Variants in TRIM26 observed in about 807,000 individuals in gnomAD.
TRIM26 encodes the protein tripartite motif containing 26, also known as tripartite motif-containing protein 26.
Under a neutral mutation model 45.5 loss-of-function variants are expected in TRIM26, and 16 were observed. That is an observed-to-expected ratio of 0.35 (90% confidence interval 0.24 to 0.53). The LOEUF (loss-of-function observed/expected upper bound fraction) is 0.53. Among genes scored for constraint, TRIM26 ranks in the 20% least tolerant of loss-of-function variants. The pLI is 0.92. For synonymous variants in TRIM26, 273 were observed against 290.4 expected, an observed-to-expected ratio of 0.94 and a Z score of 0.61; for missense variants, 442 against 691.1, an observed-to-expected ratio of 0.64 and a Z score of 4.04.
At chr6:30,191,361 G>A (rs925670567) in intron 6 of TRIM26, among the ~76,000 whole-genome samples, 10 of 147,832 alleles carry the variant, frequency 6.8e-5, no homozygotes, top group African/African-American at 2.5e-4. Context: ...TTTATTAAGT[G>A]CTTCCTAGGT....
intron 2 of TRIM26, among the ~76,000 whole-genome samples, chr6:30,203,717 G>A (rs185499419): frequency 6.6e-6 from 1 of 152,104 alleles, no homozygotes; most frequent in African/African-American, 2.4e-5. Flanking sequence ...GCGCCCGGCT[G>A]AGAATACCTG....
chr6:30,200,649 T>C (rs919556141), intron 3 of TRIM26, among the ~76,000 whole-genome samples: 1 of 152,234 alleles, frequency 6.6e-6, no homozygotes, highest in Non-Finnish European at 1.5e-5. Flanking sequence ...TTTGTAGTCC[T>C]GACCCAGTTC....
chr6:30,199,185 CACAGT>C lies in TRIM26; in HGVS notation c.-87_-83del. 7.0e-7 allele frequency: 1 copy of C among 1,431,372 alleles called. No individual in the cohort carries two copies. Among genetic ancestry groups the C allele is most frequent in the Non-Finnish European group, 9.3e-7 (1 of 1,070,810 alleles). The allele number at this position is 1,431,372 out of a possible 1,614,324, so 88.7% of individuals were successfully genotyped here. ...GACGCGACATAGAGTCAGGAGCAAG[CACAGT>C]AAAGGGGCAAAGGTGGCAGCCTGCA... On this transcript the variant is annotated 5_prime_UTR_variant, in exon 4 of 10. Coordinates refer to ENST00000454678, the MANE Select transcript of TRIM26 (RefSeq NM_003449.5).
chr6:30,196,462 G>C lies in TRIM26; in HGVS notation c.765+54C>G, dbSNP rs1776467603. The C allele has an allele frequency of 6.4e-7, 1 of 1,566,222 alleles. No individual in the cohort carries two copies. On this transcript the variant is annotated intron_variant, in intron 6 of 9. Transcript: ENST00000454678. This position sits in a 1 kb window ranked among gnomAD's most constrained non-coding sequence, Gnocchi z 4.9. ...CTAAGGTCCTGCAAGTGAATGGCAG[G>C]GCTGGGACCCACCGTCCTGGTCCCT...
At position 30,189,259 on chromosome 6, in the gene TRIM26, G is replaced by C; in HGVS notation, c.905-60C>G. The C allele has an allele frequency of 6.2e-7, 1 of 1,609,916 alleles. No homozygotes were observed. The highest frequency in any genetic ancestry group is 8.5e-7 in the Non-Finnish European group (1 of 1,177,246). Reference sequence around the variant, plus strand: ...CCGAAAATTTATGAGCCCATTTCTTGCTCGGGCAGTATCAATTTCCTGATA... The same window carrying C: ...CCGAAAATTTATGAGCCCATTTCTTCCTCGGGCAGTATCAATTTCCTGATA... On this transcript the variant is annotated intron_variant, in intron 8 of 9. Transcript: ENST00000454678. The surrounding 1 kb of genome is among the most constrained non-coding windows in gnomAD (Gnocchi z 5.0).
At chr6:30,191,704 C>G (rs767470088) in intron 6 of TRIM26, among the ~76,000 whole-genome samples, 1 of 152,134 alleles carries the variant, frequency 6.6e-6, no homozygotes, top group Non-Finnish European at 1.5e-5. Flanking sequence ...AGGAATAAGA[C>G]AAGAAGTCAG....
In TRIM26 at chr6:30,186,642, C is replaced by T; in HGVS notation, c.938-84G>A. The T allele has an allele frequency of 7.0e-7, 1 of 1,432,802 alleles. No homozygotes were observed. Among genetic ancestry groups the T allele is most frequent in the Non-Finnish European group, 9.2e-7 (1 of 1,090,162 alleles). 88.8% of individuals were successfully genotyped at this position (1,432,802 alleles called of 1,614,324 possible). ...TCAGAGGGAATAAAATTTATTTTGG[C>T]AGATAGCGTTAAACAAAATTAAAGT... is the stretch of plus-strand genomic sequence containing the variant. On this transcript the variant is annotated intron_variant, in intron 9 of 9. Coordinates refer to ENST00000454678, the MANE Select transcript of TRIM26 (RefSeq NM_003449.5). This position sits in a 1 kb window ranked among gnomAD's most constrained non-coding sequence, Gnocchi z 7.4.
chr6:30,208,904 ATGTGTGTGTGTGTGTGTGTGTGTGTG>A (rs9278612), intron 1 of TRIM26, among the ~76,000 whole-genome samples: 2 of 140,728 alleles, frequency 1.4e-5, no homozygotes, highest in Admixed American at 7.1e-5. Flanking sequence ...GATATAGAAT[ATGTGTGTGTGTGTGTGTGTGTGTGTG>A]TGTGTGTGTG....
In TRIM26 at chr6:30,198,885, G is replaced by C. The variant is rs1562214983; in HGVS notation, c.219C>G (p.Ser73Arg). The change falls in exon 4 of 10, where the codon AGC becomes AGG. Residue 73 changes from serine to arginine, a missense_variant. Transcript: ENST00000454678. This position sits in a 1 kb window ranked among gnomAD's most constrained non-coding sequence, Gnocchi z 6.3. The stretch of plus-strand genomic sequence containing the variant: ...TCAGCCGCTCAATGTTCTCCACCAG[G>C]CTGGCCAGTTGCCACACGGGTCGGA... ...ENIRPVWQLA[S>R]LVENIERLKV... 6.2e-7 allele frequency: 1 copy of C among 1,612,860 alleles called. No homozygotes were observed. The highest frequency in any genetic ancestry group is 8.5e-7 in the Non-Finnish European group (1 of 1,179,904).
chr6:30,193,183 T>TATATATATATATATATATA (rs1554201635), intron 6 of TRIM26, among the ~76,000 whole-genome samples: 5 of 41,188 alleles, frequency 1.2e-4, no homozygotes, highest in South Asian at 9.4e-4. Context: ...TATATATATA[T>TATATATATATATATATATA]TTTTTTTTTT....
At chr6:30,191,421 AAAG>A (rs1274085597) in intron 6 of TRIM26, among the ~76,000 whole-genome samples, 5 of 150,466 alleles carry the variant, frequency 3.3e-5, no homozygotes, top group African/African-American at 1.2e-4. Context: ...AAAAAAAAAA[AAAG>A]AGAGAGAGAG....
At chr6:30,191,520 T>C (rs6924952) in intron 6 of TRIM26, among the ~76,000 whole-genome samples, 6,894 of 144,198 alleles carry the variant, frequency 0.048, 199 homozygotes, top group African/African-American at 0.079. Context: ...ACTACGTGAG[T>C]GATACGCACC....
At chr6:30,202,420 T>C (rs534297283) in intron 2 of TRIM26, among the ~76,000 whole-genome samples, 2 of 152,208 alleles carry the variant, frequency 1.3e-5, no homozygotes, top group Non-Finnish European at 2.9e-5. Context: ...ATGCTAAAAC[T>C]ATTAGGTGAA....
In TRIM26 at chr6:30,185,909, C is replaced by T; in HGVS notation, c.1587G>A (p.Lys529=). ...TRRLVPFLWL[K]WPGTRLLLRP is the part of the protein sequence containing the mutation. ...TTAGCAGGAGGCGTGTTCCTGGCCA[C>T]TTGAGCCACAGGAAGGGGACCAGGC... Residue 529 remains lysine (K), a synonymous_variant, in exon 10 of 10, where the codon AAG becomes AAA. Coordinates refer to ENST00000454678, the MANE Select transcript of TRIM26 (RefSeq NM_003449.5). This position sits in a 1 kb window ranked among gnomAD's most constrained non-coding sequence, Gnocchi z 5.7. 1 of 1,612,932 alleles carries T rather than the reference C, an allele frequency of 6.2e-7. No individual in the cohort carries two copies. Among genetic ancestry groups the T allele is most frequent in the Non-Finnish European group, 8.5e-7 (1 of 1,179,934 alleles).
chr6:30,208,904 A>ATGTGTGTGTG (rs9278612), intron 1 of TRIM26, among the ~76,000 whole-genome samples: 48 of 140,828 alleles, frequency 3.4e-4, no homozygotes, highest in Non-Finnish European at 4.3e-4. Flanking sequence ...GATATAGAAT[A>ATGTGTGTGTG]TGTGTGTGTG....
chr6:30,196,594 G>C lies in TRIM26; in HGVS notation c.687C>G (p.Val229=), dbSNP rs150251570. ...CCAGGGCCAGCCGGGCAAGCTCCCC[G>C]ACGCCCCGGCTCTTGAACTTCTCCC... The part of the protein sequence containing the change: ...EGREKFKSRG[V]GELARLALVI... Residue 229 remains valine, a synonymous_variant, in exon 6 of 10, where the codon GTC becomes GTG. Transcript: ENST00000454678. This position sits in a 1 kb window ranked among gnomAD's most constrained non-coding sequence, Gnocchi z 4.9. 6.2e-7 allele frequency: 1 copy of C among 1,613,402 alleles called. No individual in the cohort carries two copies. The highest frequency in any genetic ancestry group is 1.1e-5 in the South Asian group (1 of 91,086).
intron 2 of TRIM26, among the ~76,000 whole-genome samples, chr6:30,201,555 C>T (rs1777170608): frequency 6.6e-6 from 1 of 151,960 alleles, no homozygotes; most frequent in Non-Finnish European, 1.5e-5. Flanking sequence ...GGTAGAAATG[C>T]TAGGAATTGG....
chr6:30,195,871 G>T lies in TRIM26; in HGVS notation c.765+645C>A, dbSNP rs147607358. On this transcript the variant is annotated intron_variant, in intron 6 of 9. Transcript: ENST00000454678. ...CTTCAGGGTAAGTGTGATCCCCAGA[G>T]GCTCCCGGGGGGGAGGAGATGTGGT... Among the ~76,000 whole-genome samples the T allele has an allele frequency of 1.5e-3, 223 of 152,304 alleles. 6 individuals carry two copies. In the South Asian group the frequency reaches 0.039, roughly 27 times the overall value.
intron 6 of TRIM26, among the ~76,000 whole-genome samples, chr6:30,193,774 G>C (rs1776187576): frequency 6.6e-6 from 1 of 152,090 alleles, no homozygotes; most frequent in South Asian, 2.1e-4. Context: ...TTTCATTAAA[G>C]AGGTCTTTCA....
Sources: gnomAD v4.1 joint callset for allele counts (sites outside exome capture counted in the v4.1 genomes callset) on GRCh38, gnomAD v4.1.1 for gene constraint, Gnocchi (gnomAD v3.1) non-coding constraint, MANE v1.5 for transcripts, NCBI Gene and HGNC (gene_info 2026-07-23, HGNC 2026-07-21) for gene names.